Variants in NCAM2 observed in about 807,000 individuals in gnomAD.
The protein encoded by NCAM2 is neural cell adhesion molecule 2.
In NCAM2, 30 loss-of-function variants were observed where a neutral mutation model predicts 98.1. The ratio of observed to expected loss-of-function variants is 0.31; its 90% CI spans 0.23 to 0.41. NCAM2 has a LOEUF of 0.41. Ranked by LOEUF, NCAM2 falls within the 10% of genes least tolerant of loss-of-function variation. The pLI is 1.00. For synonymous variants in NCAM2, 368 were observed against 342.4 expected, an observed-to-expected ratio of 1.07 and a Z score of -0.83; for missense variants, 867 against 1,005.8, an observed-to-expected ratio of 0.86 and a Z score of 1.87.
At chr21:21,067,736 A>G (rs1004892314) in intron 1 of NCAM2, among the ~76,000 whole-genome samples, 9 of 152,236 alleles carry the variant, frequency 5.9e-5, no homozygotes, top group Admixed American at 5.2e-4. Context: ...AAATTATTCT[A>G]AGAACATGAG....
chr21:21,044,616 A>C (rs191745349), intron 1 of NCAM2, among the ~76,000 whole-genome samples: 1 of 152,308 alleles, frequency 6.6e-6, no homozygotes, highest in Admixed American at 6.5e-5. Context: ...TAAAGAATAA[A>C]AATAAAAGAA....
chr21:21,078,347 A>G (rs1176011520), intron 1 of NCAM2, among the ~76,000 whole-genome samples: 1 of 152,224 alleles, frequency 6.6e-6, no homozygotes, highest in East Asian at 1.9e-4. Flanking sequence ...AGATGTAGCC[A>G]AAGGTGAAGA....
intron 8 of NCAM2, among the ~76,000 whole-genome samples, 174 bp downstream of exon 8, chr21:21,338,708 G>A (rs2074946612): frequency 6.6e-6 from 1 of 152,098 alleles, no homozygotes; most frequent in East Asian, 1.9e-4. Context: ...TTCGTGGGAG[G>A]GGAAATGTCA....
At chr21:21,280,772 G>T (rs1034617035) in intron 2 of NCAM2, 120 bp downstream of exon 2, 11 of 641,356 alleles carry the variant, frequency 1.7e-5, no homozygotes, top group African/African-American at 1.4e-4. Flanking sequence ...CTTACAGTTG[G>T]TTTTTTGTTT....
Position 21,338,388 on chromosome 21 carries a change from G to A in NCAM2, c.899-1G>A, listed in dbSNP as rs2074935828. 1 of 1,609,008 alleles carries A rather than the reference G, an allele frequency of 6.2e-7. No homozygotes were observed. Among genetic ancestry groups the A allele is most frequent in the Non-Finnish European group, 8.5e-7 (1 of 1,176,274 alleles). On this transcript the variant is annotated splice_acceptor_variant, in intron 7 of 17. Transcript: ENST00000400546. LOFTEE classifies it high-confidence loss of function. The stretch of plus-strand genomic sequence containing the variant: ...TTGAGTAATATATATATTCTTTACA[G>A]TACAGCCTCACATAATACAGCTTAA...
intron 1 of NCAM2, among the ~76,000 whole-genome samples, chr21:21,065,672 A>G (rs1229982699): frequency 6.6e-6 from 1 of 152,170 alleles, no homozygotes; most frequent in Non-Finnish European, 1.5e-5. Context: ...CTATTTCAAG[A>G]CAAATTCAAT....
intron 16 of NCAM2, among the ~76,000 whole-genome samples, chr21:21,521,698 A>G (rs1989024331): frequency 6.6e-6 from 1 of 152,148 alleles, no homozygotes; most frequent in African/African-American, 2.4e-5. Flanking sequence ...ATGGAAAGGC[A>G]AAGAGGAAAT....
intron 1 of NCAM2, among the ~76,000 whole-genome samples, chr21:21,072,528 CATTAAAAAGTTTT>C (rs2065593839): frequency 6.6e-6 from 1 of 152,010 alleles, no homozygotes; most frequent in South Asian, 2.1e-4. Context: ...TGTAAAATAT[CATTAAAAAGTTTT>C]ATAGAGGACC....
At chr21:21,442,474 T>G (rs1979448250) in intron 12 of NCAM2, among the ~76,000 whole-genome samples, 1 of 152,176 alleles carries the variant, frequency 6.6e-6, no homozygotes, top group African/African-American at 2.4e-5. Context: ...TAGGTGCATC[T>G]TGTTTGGTGA....
At chr21:21,075,509 G>A (rs2065663110) in intron 1 of NCAM2, among the ~76,000 whole-genome samples, 1 of 152,036 alleles carries the variant, frequency 6.6e-6, no homozygotes, top group Non-Finnish European at 1.5e-5. Flanking sequence ...AATAGAAATG[G>A]CGAGGACAGA....
chr21:21,127,272 C>T (rs1169602029), intron 1 of NCAM2, among the ~76,000 whole-genome samples: 7 of 151,522 alleles, frequency 4.6e-5, no homozygotes, highest in East Asian at 3.9e-4. Flanking sequence ...TTCTCTGAAA[C>T]GAAAAACTGA....
chr21:21,365,400 A>G (rs1568983717), intron 8 of NCAM2, among the ~76,000 whole-genome samples: 1 of 152,004 alleles, frequency 6.6e-6, no homozygotes, highest in Admixed American at 6.6e-5. Flanking sequence ...AGCAAACCTC[A>G]AAGGAATAAA....
At chr21:21,142,479 C>A (rs978883308) in intron 1 of NCAM2, among the ~76,000 whole-genome samples, 1 of 146,592 alleles carries the variant, frequency 6.8e-6, no homozygotes, top group Non-Finnish European at 1.5e-5. Flanking sequence ...TCTGGGTTCA[C>A]GCCATTCTCC....
intron 12 of NCAM2, among the ~76,000 whole-genome samples, chr21:21,439,086 T>TA (rs1013489602): frequency 1.9e-4 from 28 of 149,420 alleles, no homozygotes; most frequent in African/African-American, 3.7e-4. Flanking sequence ...ATACTGTCTC[T>TA]AAAAAAATAA....
chr21:21,071,143 G>T (rs888477263), intron 1 of NCAM2, among the ~76,000 whole-genome samples: 3 of 152,160 alleles, frequency 2.0e-5, no homozygotes, highest in Admixed American at 2.0e-4. Context: ...ACGAAAAACT[G>T]ATATACTAAT....
At chr21:21,398,192 C>G (rs375513469) in intron 9 of NCAM2, among the ~76,000 whole-genome samples, 14 of 152,228 alleles carry the variant, frequency 9.2e-5, no homozygotes, top group African/African-American at 3.4e-4. Context: ...TGTTCATACT[C>G]ATAAGTGGGA....
At chr21:21,134,403 C>G (rs1489083380) in intron 1 of NCAM2, among the ~76,000 whole-genome samples, 1 of 152,014 alleles carries the variant, frequency 6.6e-6, no homozygotes, top group Non-Finnish European at 1.5e-5. Context: ...TTAACTACCT[C>G]AGAAGAAGAC....
At chr21:21,504,967 T>G (rs981638597) in intron 15 of NCAM2, among the ~76,000 whole-genome samples, 1 of 151,930 alleles carries the variant, frequency 6.6e-6, no homozygotes, top group African/African-American at 2.4e-5. Flanking sequence ...TATTTTTAAA[T>G]GTATAATTAT....
intron 1 of NCAM2, among the ~76,000 whole-genome samples, chr21:21,118,238 G>T (rs533956290): frequency 6.6e-6 from 1 of 152,122 alleles, no homozygotes; most frequent in Non-Finnish European, 1.5e-5. Flanking sequence ...TAATTATATA[G>T]ACCATCAGCA....
Sources: allele counts gnomAD v4.1 joint callset (sites outside exome capture counted in the v4.1 genomes callset), GRCh38; gene constraint gnomAD v4.1.1; transcripts MANE v1.5; gene names NCBI Gene and HGNC (gene_info 2026-07-23, HGNC 2026-07-21).